FRMD3: variants seen among roughly 807,000 people sequenced by gnomAD.
FRMD3 encodes FERM domain containing 3, also known as FERM domain-containing protein 3.
FRMD3 carries 33 observed loss-of-function variants against 70.2 expected under a neutral mutation model. The ratio of observed to expected loss-of-function variants is 0.47; its 90% CI spans 0.36 to 0.63. The LOEUF (loss-of-function observed/expected upper bound fraction) is 0.63. FRMD3 is among the 20% of genes least tolerant of loss of function. The pLI, the probability that FRMD3 is intolerant of heterozygous loss-of-function variation, is 0.00. For synonymous variants in FRMD3, 279 were observed against 255.9 expected (o/e 1.09, Z -0.86); for missense variants, 632 against 711.4 (o/e 0.89, Z 1.27).
chr9:83,450,303 T>C (rs1394077680), intron 1 of FRMD3, among the ~76,000 whole-genome samples: 1 of 151,122 alleles, frequency 6.6e-6, no homozygotes, highest in Non-Finnish European at 1.5e-5. Flanking sequence ...CCTGGATATA[T>C]TGTGACAGCC....
intron 13 of FRMD3, among the ~76,000 whole-genome samples, chr9:83,255,501 A>AT (rs35584307): frequency 0.33 from 49,677 of 152,028 alleles, 8,821 homozygotes; most frequent in Middle Eastern, 0.46. Context: ...CACCACTCCC[A>AT]TTTGACAGAG....
Position 83,492,138 on chromosome 9 carries a change from G to A in FRMD3, c.147+45947C>T, listed in dbSNP as rs563903907. On this transcript the variant is annotated intron_variant, in intron 1 of 13. Coordinates refer to ENST00000304195, the MANE Select transcript of FRMD3 (RefSeq NM_174938.6). ...ATCAGGACCTTCTGTCATGCCATAGGTCATTCCAGGACACTTCAGCCCTAC... is the reference window on the plus strand; with the variant it reads ...ATCAGGACCTTCTGTCATGCCATAGATCATTCCAGGACACTTCAGCCCTAC... Among the ~76,000 whole-genome samples the A allele has an allele frequency of 5.3e-5, 8 of 152,260 alleles. No homozygotes were observed. In the East Asian group the frequency reaches 1.5e-3, roughly 29 times the overall value.
the FRMD3 span, among the ~76,000 whole-genome samples, chr9:83,550,708 G>GTGTGTGTGTGTC: frequency 1.7e-4 from 26 of 151,364 alleles, no homozygotes; most frequent in African/African-American, 6.3e-4. Context: ...GTGTGTGTGT[G>GTGTGTGTGTGTC]TGTGTGTGTG....
chr9:83,467,623 A>T, intron 1 of FRMD3: 1 of 1,530,356 alleles, frequency 6.5e-7, no homozygotes, highest in Non-Finnish European at 8.8e-7. Flanking sequence ...CATACCTTTG[A>T]AAGCTGCATA....
chr9:83,396,472 T>A (rs1825814470), intron 1 of FRMD3, among the ~76,000 whole-genome samples: 1 of 152,188 alleles, frequency 6.6e-6, no homozygotes, highest in Non-Finnish European at 1.5e-5. Flanking sequence ...GGCATAAGCC[T>A]CAAGGAACTA....
At chr9:83,271,235 G>C (rs528998058) in intron 13 of FRMD3, among the ~76,000 whole-genome samples, 2 of 152,266 alleles carry the variant, frequency 1.3e-5, no homozygotes, top group South Asian at 4.1e-4. Flanking sequence ...AAAATAGTTT[G>C]AGAGATTCAC....
intron 2 of FRMD3, among the ~76,000 whole-genome samples, chr9:83,376,611 CTTTT>C (rs5898828): frequency 1.5e-5 from 2 of 132,000 alleles, no homozygotes; most frequent in Non-Finnish European, 1.6e-5. Context: ...TGCTATATTC[CTTTT>C]TTTTTTTTTT....
Position 83,515,354 on chromosome 9 carries a change from C to T in FRMD3, c.147+22731G>A, listed in dbSNP as rs556386943. 1.5e-4 allele frequency among the ~76,000 whole-genome samples: 23 copies of T among 151,332 alleles called. 1 individual carries two copies. The South Asian group carries it at 2.9e-3, about 19-fold the overall frequency. On this transcript the variant is annotated intron_variant, in intron 1 of 13. Transcript: ENST00000304195. Reference sequence around the variant, plus strand: ...AGAATCAATAGGTGAATCAATCAAGCGGAAAAAAGGATATTGGAGATTGAA... The same window carrying T: ...AGAATCAATAGGTGAATCAATCAAGTGGAAAAAAGGATATTGGAGATTGAA...
intron 1 of FRMD3, among the ~76,000 whole-genome samples, chr9:83,463,794 C>T (rs570681855): frequency 6.6e-6 from 1 of 152,336 alleles, no homozygotes; most frequent in African/African-American, 2.4e-5. Context: ...TTACCTGCTG[C>T]CCACCCCATA....
At chr9:83,308,624 G>A (rs530815775) in intron 10 of FRMD3, among the ~76,000 whole-genome samples, 121 of 152,254 alleles carry the variant, frequency 7.9e-4, no homozygotes, top group Non-Finnish European at 1.5e-3. Context: ...GTCAGCAAGC[G>A]TCTCTCAGAG....
Position 83,288,719 on chromosome 9 carries a change from T to A in FRMD3, c.1195+1884A>T, listed in dbSNP as rs371027278. ...TGAAATTCTTTAAATTATTTTGCAG[T>A]TAATTACAATGGTTTGTCTATTGTC... On this transcript the variant is annotated intron_variant, in intron 13 of 13. Coordinates refer to ENST00000304195, the MANE Select transcript of FRMD3 (RefSeq NM_174938.6). Among the ~76,000 whole-genome samples the A allele has an allele frequency of 2.8e-4, 43 of 152,354 alleles. No individual in the cohort carries two copies. The East Asian group carries it at 3.9e-3, about 14-fold the overall frequency.
At chr9:83,286,658 A>G (rs1250143294) in intron 13 of FRMD3, among the ~76,000 whole-genome samples, 2 of 152,166 alleles carry the variant, frequency 1.3e-5, no homozygotes, top group African/African-American at 4.8e-5. Context: ...AACAGGGCTC[A>G]AGCTGCTGAT....
chr9:83,334,136 G>A (rs936915198), intron 6 of FRMD3, among the ~76,000 whole-genome samples: 2 of 152,026 alleles, frequency 1.3e-5, no homozygotes, highest in South Asian at 2.1e-4. Context: ...CCGGAACACT[G>A]CTCTGCCACA....
chr9:83,394,449 C>T (rs547359394), intron 1 of FRMD3, among the ~76,000 whole-genome samples: 119 of 152,286 alleles, frequency 7.8e-4, no homozygotes, highest in Non-Finnish European at 1.4e-3. Context: ...GAATCTCTAT[C>T]TCCTGGTCTG....
Position 83,418,711 on chromosome 9 carries a change from A to C in FRMD3, c.148-29003T>G, listed in dbSNP as rs547725636. 1.7e-3 allele frequency among the ~76,000 whole-genome samples: 254 copies of C among 152,352 alleles called. 1 individual carries two copies. Among genetic ancestry groups the C allele is most frequent in the African/African-American group, 5.4e-3 (223 of 41,584 alleles). ...GTAAACTAGTACAACCACTATGGAAAACAGTGTGACAATTCCCTAAAGAAC... is the reference window on the plus strand; with the variant it reads ...GTAAACTAGTACAACCACTATGGAACACAGTGTGACAATTCCCTAAAGAAC... On this transcript the variant is annotated intron_variant, in intron 1 of 13. Coordinates refer to ENST00000304195, the MANE Select transcript of FRMD3 (RefSeq NM_174938.6).
chr9:83,319,180 T>C (rs1835701697), intron 6 of FRMD3, among the ~76,000 whole-genome samples: 2 of 152,184 alleles, frequency 1.3e-5, no homozygotes, highest in African/African-American at 4.8e-5. Flanking sequence ...TTTGTTTTGC[T>C]GCATTTTAGT....
At chr9:83,435,116 A>G (rs540427678) in intron 1 of FRMD3, among the ~76,000 whole-genome samples, 17 of 152,238 alleles carry the variant, frequency 1.1e-4, no homozygotes, top group African/African-American at 3.9e-4. Context: ...GGCGTGAGCC[A>G]CCGTACCAGG....
intron 12 of FRMD3, among the ~76,000 whole-genome samples, chr9:83,294,872 G>C (rs1157124362): frequency 6.6e-6 from 1 of 152,142 alleles, no homozygotes; most frequent in Non-Finnish European, 1.5e-5. Flanking sequence ...CACTGTGTCA[G>C]GCACTTTCTG....
At chr9:83,312,322 T>C (rs1232507102) in intron 7 of FRMD3, among the ~76,000 whole-genome samples, 1 of 152,236 alleles carries the variant, frequency 6.6e-6, no homozygotes. Context: ...AAACTGTTCT[T>C]GCTTGCCATT....
Sources: gnomAD v4.1 joint callset for allele counts (sites outside exome capture counted in the v4.1 genomes callset) on GRCh38, gnomAD v4.1.1 for gene constraint, MANE v1.5 for transcripts, NCBI Gene and HGNC (gene_info 2026-07-23, HGNC 2026-07-21) for gene names.